Variants in AKAP19 observed in about 807,000 individuals in gnomAD.
AKAP19 encodes the protein A-kinase anchoring protein 19.
chr2:189,971,252 C>A, the AKAP19 span, among the ~76,000 whole-genome samples: 2 of 152,022 alleles, frequency 1.3e-5, no homozygotes, highest in Non-Finnish European at 2.9e-5. Context: ...TTTGTCCTTG[C>A]GATAGTTTGC....
chr2:190,185,221 C>T, the AKAP19 span, among the ~76,000 whole-genome samples: 1 of 152,154 alleles, frequency 6.6e-6, no homozygotes, highest in African/African-American at 2.4e-5. Context: ...GGTTTTACTA[C>T]ATAAAGACTA....
At chr2:190,005,941 T>C in the AKAP19 span, among the ~76,000 whole-genome samples, 1 of 152,194 alleles carries the variant, frequency 6.6e-6, no homozygotes, top group Non-Finnish European at 1.5e-5. Context: ...CAGACACCAT[T>C]TATATATTTT....
the AKAP19 span, among the ~76,000 whole-genome samples, chr2:190,025,801 G>T: frequency 6.6e-6 from 1 of 152,160 alleles, no homozygotes; most frequent in Non-Finnish European, 1.5e-5. Context: ...GTGAATTCTG[G>T]TCTGTGTTTA....
At chr2:189,881,633 C>T in the AKAP19 span, among the ~76,000 whole-genome samples, 1 of 152,110 alleles carries the variant, frequency 6.6e-6, no homozygotes, top group Non-Finnish European at 1.5e-5. Context: ...TCTAGCTTCA[C>T]TTTGCAGGGC....
the AKAP19 span, among the ~76,000 whole-genome samples, chr2:190,040,740 G>C: frequency 6.6e-6 from 1 of 152,104 alleles, no homozygotes; most frequent in African/African-American, 2.4e-5. Flanking sequence ...TTCTGCATAT[G>C]GCTAGCCAGT....
the AKAP19 span, among the ~76,000 whole-genome samples, chr2:190,033,657 T>C: frequency 6.6e-6 from 1 of 152,236 alleles, no homozygotes; most frequent in African/African-American, 2.4e-5. Context: ...AACTGAATTA[T>C]TCAGTTTTGC....
chr2:189,880,757 C>T, the AKAP19 span, among the ~76,000 whole-genome samples: 1 of 152,192 alleles, frequency 6.6e-6, no homozygotes, highest in Non-Finnish European at 1.5e-5. Flanking sequence ...ACACTCTTTA[C>T]AGTACCTAAT....
the AKAP19 span, among the ~76,000 whole-genome samples, chr2:189,920,918 C>G: frequency 6.6e-6 from 1 of 152,160 alleles, no homozygotes; most frequent in African/African-American, 2.4e-5. Context: ...ATCAGGATAA[C>G]TTATTCTGGC....
chr2:189,956,137 A>G, the AKAP19 span, among the ~76,000 whole-genome samples: 1 of 149,522 alleles, frequency 6.7e-6, no homozygotes. Context: ...TAATGCTCAA[A>G]TCTTTGAACT....
the AKAP19 span, among the ~76,000 whole-genome samples, chr2:190,084,651 C>G: frequency 6.6e-6 from 1 of 152,182 alleles, no homozygotes; most frequent in Non-Finnish European, 1.5e-5. Flanking sequence ...ATCCCTTCTT[C>G]TAACCCACTT....
the AKAP19 span, among the ~76,000 whole-genome samples, chr2:190,064,062 C>T: frequency 2.6e-5 from 4 of 152,054 alleles, no homozygotes; most frequent in African/African-American, 4.8e-5. Context: ...TTTAAAGTCA[C>T]TACCATTTTT....
At chr2:190,132,859 G>C in the AKAP19 span, among the ~76,000 whole-genome samples, 1 of 151,868 alleles carries the variant, frequency 6.6e-6, no homozygotes, top group African/African-American at 2.4e-5. Context: ...TTACAGAATG[G>C]GTGAAGATAT....
chr2:189,936,190 G>T, the AKAP19 span, among the ~76,000 whole-genome samples: 2 of 151,732 alleles, frequency 1.3e-5, no homozygotes, highest in Non-Finnish European at 2.9e-5. Flanking sequence ...ATTTTTATGG[G>T]TTTGTTTTAG....
the AKAP19 span, among the ~76,000 whole-genome samples, chr2:190,189,346 C>G: frequency 6.6e-6 from 1 of 152,102 alleles, no homozygotes; most frequent in Non-Finnish European, 1.5e-5. Context: ...AGCTGGAATT[C>G]GGAGTGACAG....
chr2:190,188,521 G>A, the AKAP19 span, among the ~76,000 whole-genome samples: 27 of 152,180 alleles, frequency 1.8e-4, no homozygotes, highest in African/African-American at 6.5e-4. Context: ...GATCACACCT[G>A]CTATCTTAAG....
At chr2:189,945,095 A>T in the AKAP19 span, among the ~76,000 whole-genome samples, 6 of 152,198 alleles carry the variant, frequency 3.9e-5, no homozygotes, top group African/African-American at 1.2e-4. Flanking sequence ...CAAAAGTAGT[A>T]CTAAGAGGGA....
the AKAP19 span, among the ~76,000 whole-genome samples, chr2:189,977,537 A>G: frequency 6.6e-6 from 1 of 152,226 alleles, no homozygotes; most frequent in Non-Finnish European, 1.5e-5. Context: ...TGTTTTTCTA[A>G]AAAATGGTGT....
the AKAP19 span, among the ~76,000 whole-genome samples, chr2:190,106,787 AT>A: frequency 1.3e-5 from 2 of 152,208 alleles, no homozygotes; most frequent in African/African-American, 4.8e-5. Flanking sequence ...CTAAAAAAAA[AT>A]AAGTACTACT....
At chr2:189,882,378 T>C in the AKAP19 span, among the ~76,000 whole-genome samples, 1 of 152,314 alleles carries the variant, frequency 6.6e-6, no homozygotes, top group Non-Finnish European at 1.5e-5. Context: ...CCTTACGACG[T>C]GTGCCCAAAA....
Sources: allele counts gnomAD v4.1 joint callset (sites outside exome capture counted in the v4.1 genomes callset), GRCh38; gene constraint gnomAD v4.1.1; transcripts MANE v1.5; gene names NCBI Gene and HGNC (gene_info 2026-07-23, HGNC 2026-07-21).